ST6GALNAC3: variants seen among roughly 807,000 people sequenced by gnomAD.
ST6GALNAC3 encodes alpha-N-acetylgalactosaminide alpha-2,6-sialyltransferase 3.
In ST6GALNAC3, 25 loss-of-function variants were observed where a neutral mutation model predicts 32.7. That is an observed-to-expected ratio of 0.76 (90% CI 0.56 to 1.07). The LOEUF is 1.07. Among genes scored for constraint, ST6GALNAC3 ranks in the 50% least tolerant of loss-of-function variants. The pLI, the probability that ST6GALNAC3 is intolerant of heterozygous loss-of-function variation, is 0.00. For synonymous variants in ST6GALNAC3, 129 were observed against 133.1 expected, an observed-to-expected ratio of 0.97 and a Z score of 0.21; for missense variants, 355 against 382.4, an observed-to-expected ratio of 0.93 and a Z score of 0.60.
intron 1 of ST6GALNAC3, among the ~76,000 whole-genome samples, chr1:76,283,844 T>G (rs1659630986): frequency 6.6e-6 from 1 of 152,242 alleles, no homozygotes; most frequent in Non-Finnish European, 1.5e-5. Context: ...TGATCATATA[T>G]CTCACATACT....
intron 1 of ST6GALNAC3, among the ~76,000 whole-genome samples, chr1:76,289,262 C>T (rs1659943903): frequency 6.6e-6 from 1 of 152,150 alleles, no homozygotes; most frequent in Admixed American, 6.5e-5. Context: ...CATTTTTGGG[C>T]ACATTTTCTC....
chr1:76,520,124 A>G (rs537725345), intron 3 of ST6GALNAC3, among the ~76,000 whole-genome samples: 71 of 151,874 alleles, frequency 4.7e-4, no homozygotes, highest in African/African-American at 1.5e-3. Flanking sequence ...CTTTTTTCAT[A>G]CTGTGATTCT....
rs141015517 is a variant in ST6GALNAC3 at position 76,218,256 on chromosome 1, T to C, written c.19-95549T>C. Among the ~76,000 whole-genome samples the C allele has an allele frequency of 1.9e-4, 29 of 152,354 alleles. No individual in the cohort carries two copies. The East Asian group carries it at 5.4e-3, about 28-fold the overall frequency. On this transcript the variant is annotated intron_variant, in intron 1 of 4. Transcript: ENST00000328299. The stretch of plus-strand genomic sequence containing the variant: ...GACTATCAAAGGTTGGGGCTGGATA[T>C]GGATCTGATTACTCACCCTGGCCCC...
chr1:76,283,339 T>C (rs1193001197), intron 1 of ST6GALNAC3, among the ~76,000 whole-genome samples: 1 of 152,182 alleles, frequency 6.6e-6, no homozygotes, highest in Non-Finnish European at 1.5e-5. Flanking sequence ...CCTGAATTGG[T>C]AATGGTTTTC....
intron 3 of ST6GALNAC3, among the ~76,000 whole-genome samples, chr1:76,446,145 C>T (rs80056620): frequency 6.6e-6 from 1 of 152,204 alleles, no homozygotes; most frequent in African/African-American, 2.4e-5. Flanking sequence ...ATATTTTTTT[C>T]AGATGATATT....
intron 2 of ST6GALNAC3, among the ~76,000 whole-genome samples, chr1:76,371,156 T>A (rs1382131581): frequency 6.6e-6 from 1 of 152,158 alleles, no homozygotes; most frequent in Non-Finnish European, 1.5e-5. Flanking sequence ...AAATATTTAT[T>A]TAGCATTTAC....
chr1:76,598,875 T>C (rs1257019596), intron 3 of ST6GALNAC3, among the ~76,000 whole-genome samples: 1 of 152,168 alleles, frequency 6.6e-6, no homozygotes, highest in Admixed American at 6.5e-5. Flanking sequence ...TATATAAAAA[T>C]AAATTTCTGA....
chr1:76,474,023 A>G (rs1330212588), intron 3 of ST6GALNAC3, among the ~76,000 whole-genome samples: 1 of 152,154 alleles, frequency 6.6e-6, no homozygotes, highest in African/African-American at 2.4e-5. Flanking sequence ...GAAAAACCAT[A>G]GAAAGAGATA....
At chr1:76,511,993 G>A (rs916879738) in intron 3 of ST6GALNAC3, among the ~76,000 whole-genome samples, 1 of 152,104 alleles carries the variant, frequency 6.6e-6, no homozygotes, top group Non-Finnish European at 1.5e-5. Context: ...ATGTGATACT[G>A]TGTGTCATGG....
chr1:76,301,739 G>A (rs1660737019), intron 1 of ST6GALNAC3, among the ~76,000 whole-genome samples: 1 of 151,916 alleles, frequency 6.6e-6, no homozygotes, highest in African/African-American at 2.4e-5. Flanking sequence ...ATTCCTTAGA[G>A]AGATGCTAGG....
At chr1:76,094,721 G>A (rs1261222036) in intron 1 of ST6GALNAC3, among the ~76,000 whole-genome samples, 2 of 152,168 alleles carry the variant, frequency 1.3e-5, no homozygotes, top group African/African-American at 2.4e-5. Context: ...GGTGCAAGGA[G>A]ATGAGCATCT....
intron 2 of ST6GALNAC3, among the ~76,000 whole-genome samples, chr1:76,345,589 A>G (rs1032570916): frequency 6.6e-6 from 1 of 152,118 alleles, no homozygotes. Context: ...TAATAACACA[A>G]TAAAGTTTAG....
chr1:76,560,888 GT>G (rs1665206333), intron 3 of ST6GALNAC3, among the ~76,000 whole-genome samples: 1 of 152,180 alleles, frequency 6.6e-6, no homozygotes, highest in African/African-American at 2.4e-5. Flanking sequence ...GCATTCCCAT[GT>G]TTGTTGCAGC....
chr1:76,389,857 T>C (rs1402552774), intron 2 of ST6GALNAC3, among the ~76,000 whole-genome samples: 1 of 152,232 alleles, frequency 6.6e-6, no homozygotes, highest in Non-Finnish European at 1.5e-5. Context: ...GTGCCAAACA[T>C]CCTAATATAT....
At chr1:76,499,946 G>A (rs1210991308) in intron 3 of ST6GALNAC3, among the ~76,000 whole-genome samples, 2 of 151,878 alleles carry the variant, frequency 1.3e-5, no homozygotes, top group Non-Finnish European at 2.9e-5. Context: ...AATACTATGC[G>A]ATCCTTAAGA....
Position 76,562,436 on chromosome 1 carries a change from G to A in ST6GALNAC3, c.624-65016G>A, listed in dbSNP as rs189921378. Among the ~76,000 whole-genome samples the A allele has an allele frequency of 1.9e-3, 287 of 152,186 alleles. 1 individual carries two copies. Among genetic ancestry groups the A allele is most frequent in the African/African-American group, 6.5e-3 (270 of 41,510 alleles). On this transcript the variant is annotated intron_variant, in intron 3 of 4. Transcript: ENST00000328299. Reference sequence around the variant, plus strand: ...AGTGGCAATGGGAATGATATAGTGGGAACAAATGCAGGATGATGTGGTGGT... The same window carrying A: ...AGTGGCAATGGGAATGATATAGTGGAAACAAATGCAGGATGATGTGGTGGT...
chr1:76,292,063 A>G (rs1176984615), intron 1 of ST6GALNAC3, among the ~76,000 whole-genome samples: 1 of 152,244 alleles, frequency 6.6e-6, no homozygotes, highest in Non-Finnish European at 1.5e-5. Context: ...GAAATCTTAT[A>G]GCACCATTTT....
intron 2 of ST6GALNAC3, among the ~76,000 whole-genome samples, chr1:76,398,371 C>T (rs1346323233): frequency 1.3e-5 from 2 of 152,108 alleles, no homozygotes; most frequent in Non-Finnish European, 2.9e-5. Context: ...TAAAACGATA[C>T]ATCAGTGGTA....
At chr1:76,514,287 A>T (rs1336122530) in intron 3 of ST6GALNAC3, among the ~76,000 whole-genome samples, 1 of 152,100 alleles carries the variant, frequency 6.6e-6, no homozygotes, top group East Asian at 1.9e-4. Flanking sequence ...AGGGTGTTGA[A>T]TATTGCCAGA....
Sources: gnomAD v4.1 joint callset for allele counts (sites outside exome capture counted in the v4.1 genomes callset) on GRCh38, gnomAD v4.1.1 for gene constraint, MANE v1.5 for transcripts, NCBI Gene and HGNC (gene_info 2026-07-23, HGNC 2026-07-21) for gene names.